PADI3: variants seen among roughly 807,000 people sequenced by gnomAD.
PADI3 encodes the protein protein-arginine deiminase type-3.
PADI3 carries 53 observed loss-of-function variants against 71.5 expected under a neutral mutation model. That is an observed-to-expected ratio of 0.74 (90% CI 0.59 to 0.93). The LOEUF is 0.93. Among genes scored for constraint, PADI3 ranks in the 40% least tolerant of loss-of-function variants. The pLI is 0.00. For missense variants in PADI3, 821 were observed against 868.0 expected (o/e 0.95, Z 0.68); for synonymous variants, 361 against 347.5 (o/e 1.04, Z -0.43).
intron 1 of PADI3, among the ~76,000 whole-genome samples, chr1:17,257,031 CAAAAAAAAAAAAAAAAA>C (rs967292996): frequency 2.7e-5 from 1 of 37,606 alleles, no homozygotes. Flanking sequence ...GACTCTGTCT[CAAAAAAAAAAAAAAAAA>C]AAAAAAAAAA....
In PADI3 at chr1:17,280,735, T is replaced by C. The variant is rs773113793; in HGVS notation, c.1700T>C (p.Ile567Thr). Residue 567 changes from isoleucine (I) to threonine (T), a missense_variant, in exon 15 of 16, where the codon ATT (isoleucine) becomes ACT (threonine). Ile to Thr is a moderately conservative substitution (Grantham distance 89, BLOSUM62 -1). Transcript: ENST00000375460. ...CTGGGCCTGGCAGAGTGTGACATCA[T>C]TGACATCCCACAGCTCTTCAAGACC... Reference protein sequence around the residue: ...RELGLAECDIIDIPQLFKTER... With the variant: ...RELGLAECDITDIPQLFKTER... 9 of 1,614,132 alleles carry C rather than the reference T, an allele frequency of 5.6e-6. No individual in the cohort carries two copies. The highest frequency in any genetic ancestry group is 7.6e-6 in the Non-Finnish European group (9 of 1,180,004).
intron 15 of PADI3, 102 bp downstream of exon 15, chr1:17,280,898 G>A: frequency 1.4e-6 from 2 of 1,426,076 alleles, no homozygotes; most frequent in East Asian, 4.8e-5. Flanking sequence ...GATTGTGGTG[G>A]CCAGTGGGGG....
chr1:17,261,740 G>A (rs1209506619), intron 2 of PADI3, among the ~76,000 whole-genome samples: 1 of 152,236 alleles, frequency 6.6e-6, no homozygotes, highest in Admixed American at 6.5e-5. Flanking sequence ...AGGTCATAGA[G>A]TACCCAGAGG....
At chr1:17,257,906 C>G (rs1452311579) in intron 1 of PADI3, among the ~76,000 whole-genome samples, 1 of 152,114 alleles carries the variant, frequency 6.6e-6, no homozygotes, top group Non-Finnish European at 1.5e-5. Flanking sequence ...CTTAGGCAGG[C>G]CTGCCGTGAT....
rs1407406479 is a variant in PADI3, at chr1:17,282,954, C to T, written c.1870C>T (p.Leu624=). 6.2e-7 allele frequency: 1 copy of T among 1,614,192 alleles called. No individual in the cohort carries two copies. Among genetic ancestry groups the T allele is most frequent in the East Asian group, 2.2e-5 (1 of 44,880 alleles). The change falls in exon 16 of 16, where the codon CTG becomes TTG. Residue 624 remains leucine (L), a synonymous_variant. Coordinates refer to ENST00000375460, the MANE Select transcript of PADI3 (RefSeq NM_016233.2). Reference sequence around the variant, plus strand: ...GAAGGTGCGGTCCCTGCTGGAGCCGCTGGGCCTCCACTGCACCTTCATTGA... The same window carrying T: ...GAAGGTGCGGTCCCTGCTGGAGCCGTTGGGCCTCCACTGCACCTTCATTGA... ...EEKVRSLLEP[L]GLHCTFIDDF...
At chr1:17,279,491 T>C (rs1446281858) in intron 13 of PADI3, among the ~76,000 whole-genome samples, 1 of 152,140 alleles carries the variant, frequency 6.6e-6, no homozygotes, top group Non-Finnish European at 1.5e-5. Context: ...AAGCGGGCGT[T>C]AGACCTGCAG....
chr1:17,268,770 G>A (rs1165649043), intron 6 of PADI3, among the ~76,000 whole-genome samples: 1 of 151,990 alleles, frequency 6.6e-6, no homozygotes, highest in Non-Finnish European at 1.5e-5. Context: ...GCCTCCCAAA[G>A]TGCTGGGATT....
In PADI3 at chr1:17,277,016, G is replaced by T. The variant is rs2073343332; in HGVS notation, c.1555+140G>T. The T allele has an allele frequency of 4.4e-6, 3 of 681,962 alleles. No individual in the cohort carries two copies. In the African/African-American group the frequency reaches 5.4e-5, roughly 12 times the overall value. The allele number at this position is 681,962 out of a possible 1,614,324, so 42.2% of individuals were successfully genotyped here. ...TTCAGGGCTTCTCACTCCTGCCCCT[G>T]CACACCTTGCTTCACCAGACACCAC... On this transcript the variant is annotated intron_variant, in intron 13 of 15. Coordinates refer to ENST00000375460, the MANE Select transcript of PADI3 (RefSeq NM_016233.2).
chr1:17,256,656 G>C (rs764986356), intron 1 of PADI3, among the ~76,000 whole-genome samples: 4 of 152,214 alleles, frequency 2.6e-5, no homozygotes, highest in Non-Finnish European at 4.4e-5. Flanking sequence ...TTTCATACCA[G>C]AAGGACCATC....
At chr1:17,279,984 G>A (rs2073381366) in intron 13 of PADI3, among the ~76,000 whole-genome samples, 1 of 152,232 alleles carries the variant, frequency 6.6e-6, no homozygotes, top group African/African-American at 2.4e-5. Flanking sequence ...ACTGATGGTG[G>A]GTGGGTGGGC....
chr1:17,274,982 C>T (rs1479706655), intron 11 of PADI3, among the ~76,000 whole-genome samples, 196 bp downstream of exon 11: 4 of 152,100 alleles, frequency 2.6e-5, no homozygotes, highest in Non-Finnish European at 5.9e-5. Context: ...ACTCTGAAAC[C>T]AGAGAGAGCA....
At chr1:17,277,004 A>G in intron 13 of PADI3, 128 bp downstream of exon 13, 1 of 728,654 alleles carries the variant, frequency 1.4e-6, no homozygotes. Flanking sequence ...AGGGCTTCTC[A>G]CTCCTGCCCC....
Position 17,266,736 on chromosome 1 carries a change from G to A in PADI3, c.426G>A (p.Gly142=), listed in dbSNP as rs1230540833. The A allele has an allele frequency of 1.9e-6, 3 of 1,613,922 alleles. No homozygotes were observed. The highest frequency in any genetic ancestry group is 3.3e-5 in the Admixed American group (2 of 59,994). Residue 142 remains glycine (G), a synonymous_variant, in exon 5 of 16, where the codon GGG becomes GGA. Coordinates refer to ENST00000375460, the MANE Select transcript of PADI3 (RefSeq NM_016233.2). ...ATTGGCAGCGGCAGTGGGTCTGGGGGCCCAGTGGGTATGGCGGCATCTTGC... is the reference window on the plus strand; with the variant it reads ...ATTGGCAGCGGCAGTGGGTCTGGGGACCCAGTGGGTATGGCGGCATCTTGC... ...NFVDKRQWVW[G]PSGYGGILLV... is the part of the protein sequence containing the mutation.
chr1:17,280,817 T>A, intron 15 of PADI3, 21 bp downstream of exon 15: 1 of 1,611,620 alleles, frequency 6.2e-7, no homozygotes, highest in Non-Finnish European at 8.5e-7. Context: ...TACCCATGAC[T>A]CCTTTGCCAA....
intron 1 of PADI3, among the ~76,000 whole-genome samples, chr1:17,257,895 G>A (rs2073048133): frequency 1.3e-5 from 2 of 152,176 alleles, no homozygotes; most frequent in Admixed American, 1.3e-4. Flanking sequence ...GTACAAAAAG[G>A]CTTAGGCAGG....
At chr1:17,252,405 T>C (rs1344892013) in intron 1 of PADI3, among the ~76,000 whole-genome samples, 4 of 150,736 alleles carry the variant, frequency 2.7e-5, no homozygotes, top group African/African-American at 7.3e-5. Context: ...TTCTTCTTTT[T>C]TTTTTTTTTT....
In PADI3 at chr1:17,270,290, A is replaced by G. The variant is rs1042884935; in HGVS notation, c.710A>G (p.Tyr237Cys). 5.0e-6 allele frequency: 8 copies of G among 1,613,766 alleles called. No individual in the cohort carries two copies. The highest frequency in any genetic ancestry group is 2.2e-5 in the South Asian group (2 of 91,068). ...RHVLGQDKVS[Y>C]EVPRLHGDEE... ...GTGCTGGGCCAAGATAAGGTGTCCT[A>G]TGAGGTACCCCGCTTGCATGGGGAT... The change falls in exon 7 of 16, where the codon TAT becomes TGT. Residue 237 changes from tyrosine to cysteine, a missense_variant. Physicochemically the swap from Tyr to Cys is radical, Grantham distance 194. Transcript: ENST00000375460.
chr1:17,282,350 C>T (rs1242689401), intron 15 of PADI3, among the ~76,000 whole-genome samples: 1 of 151,796 alleles, frequency 6.6e-6, no homozygotes, highest in Non-Finnish European at 1.5e-5. Context: ...CCACCTCCTA[C>T]TTCTTCTCCC....
intron 6 of PADI3, among the ~76,000 whole-genome samples, chr1:17,268,986 A>G (rs2073209372): frequency 6.6e-6 from 1 of 150,884 alleles, no homozygotes. Flanking sequence ...TTCAGGCTCA[A>G]GCAATCCTTC....
Sources: allele counts gnomAD v4.1 joint callset (sites outside exome capture counted in the v4.1 genomes callset), GRCh38; gene constraint gnomAD v4.1.1; transcripts MANE v1.5; gene names NCBI Gene and HGNC (gene_info 2026-07-23, HGNC 2026-07-21).